The following PTPRT variants were observed in gnomAD, a reference collection of about 807,000 sequenced individuals.
PTPRT encodes receptor-type tyrosine-protein phosphatase T.
A neutral mutation model predicts 176.8 loss-of-function variants in PTPRT; 56 were observed. The observed-to-expected ratio is 0.32, with a 90% CI of 0.26 to 0.40. The LOEUF is 0.40. Among genes scored for constraint, PTPRT ranks in the 10% least tolerant of loss-of-function variants. PTPRT has a pLI of 1.00. For synonymous variants in PTPRT, 783 were observed against 739.0 expected (o/e 1.06, Z -0.96); for missense variants, 1,540 against 1,908.2 (o/e 0.81, Z 3.60).
At chr20:43,151,824 T>C (rs145211341) in intron 1 of PTPRT, among the ~76,000 whole-genome samples, 2,690 of 151,800 alleles carry the variant, frequency 0.018, 34 homozygotes, top group South Asian at 0.043. Flanking sequence ...GATTGTGCCA[T>C]TGCACTCCAG....
intron 2 of PTPRT, among the ~76,000 whole-genome samples, chr20:42,884,762 G>A (rs2079076278): frequency 6.6e-6 from 1 of 152,050 alleles, no homozygotes; most frequent in Non-Finnish European, 1.5e-5. Flanking sequence ...GGGAGCCTTT[G>A]GTCAAGCAGA....
intron 7 of PTPRT, among the ~76,000 whole-genome samples, chr20:42,615,293 T>A (rs371037288): frequency 7.3e-6 from 1 of 137,450 alleles, no homozygotes; most frequent in South Asian, 2.3e-4. Context: ...TGCATAGTAT[T>A]CCATGGTGTA....
intron 18 of PTPRT, among the ~76,000 whole-genome samples, chr20:42,135,444 A>C (rs1988326313): frequency 6.6e-6 from 1 of 152,214 alleles, no homozygotes. Flanking sequence ...AGACTCACTG[A>C]ATCAGAAACT....
At chr20:42,584,371 A>T (rs2073433690) in intron 7 of PTPRT, among the ~76,000 whole-genome samples, 2 of 152,084 alleles carry the variant, frequency 1.3e-5, no homozygotes, top group Non-Finnish European at 1.5e-5. Context: ...TCCTCCCTGA[A>T]CATACCAAAC....
chr20:43,043,772 G>A (rs1289228325), intron 1 of PTPRT, among the ~76,000 whole-genome samples: 1 of 152,188 alleles, frequency 6.6e-6, no homozygotes, highest in East Asian at 1.9e-4. Flanking sequence ...GGTAAACTGA[G>A]GTCTGAGGCA....
intron 7 of PTPRT, among the ~76,000 whole-genome samples, chr20:42,510,629 C>T (rs2071937424): frequency 6.6e-6 from 1 of 151,876 alleles, no homozygotes; most frequent in Non-Finnish European, 1.5e-5. Flanking sequence ...TCTTGCTAGG[C>T]AAGAAACCAA....
At chr20:42,776,724 TATA>T (rs1352899349) in intron 4 of PTPRT, among the ~76,000 whole-genome samples, 1 of 148,530 alleles carries the variant, frequency 6.7e-6, no homozygotes, top group African/African-American at 2.5e-5. Context: ...AAGCATATCA[TATA>T]ATTATATATG....
At chr20:42,170,773 C>T (rs1451499673) in intron 16 of PTPRT, among the ~76,000 whole-genome samples, 1 of 152,080 alleles carries the variant, frequency 6.6e-6, no homozygotes, top group African/African-American at 2.4e-5. Flanking sequence ...TACAGAAGAA[C>T]AGAATAAATG....
intron 2 of PTPRT, among the ~76,000 whole-genome samples, chr20:42,810,575 C>T (rs1465997462): frequency 6.6e-6 from 1 of 152,188 alleles, no homozygotes; most frequent in Non-Finnish European, 1.5e-5. Context: ...AAGCAGTACG[C>T]AGTTCTGAAG....
In PTPRT at chr20:42,089,924, C is replaced by T. The variant is rs965408807; in HGVS notation, c.3847-4071G>A. Among the ~76,000 whole-genome samples, 3 of 152,316 alleles carry T rather than the reference C, an allele frequency of 2.0e-5. No individual in the cohort carries two copies. In the East Asian group the frequency reaches 5.8e-4, roughly 29 times the overall value. On this transcript the variant is annotated intron_variant, in intron 27 of 30. Coordinates refer to ENST00000373187, the MANE Select transcript of PTPRT (RefSeq NM_007050.6). ...CCTCTGTGGTTTAGCTCAAGACTGT[C>T]CTGGTGTTCAAGTGCTGTAGCTGCA... is the stretch of plus-strand genomic sequence containing the variant.
intron 2 of PTPRT, among the ~76,000 whole-genome samples, chr20:42,867,390 A>ATTTT (rs761289845): frequency 1.2e-4 from 12 of 102,192 alleles, no homozygotes; most frequent in African/African-American, 2.5e-4. Flanking sequence ...AAGAACACAG[A>ATTTT]TTTTTTTTTT....
At chr20:42,744,620 G>T (rs974578655) in intron 6 of PTPRT, among the ~76,000 whole-genome samples, 1 of 152,116 alleles carries the variant, frequency 6.6e-6, no homozygotes, top group Non-Finnish European at 1.5e-5. Flanking sequence ...AAACCCCAAG[G>T]CTTAGTAGCT....
chr20:43,000,959 C>T (rs189600744), intron 1 of PTPRT, among the ~76,000 whole-genome samples: 1 of 152,256 alleles, frequency 6.6e-6, no homozygotes, highest in Admixed American at 6.5e-5. Flanking sequence ...ACAAGCATGT[C>T]ATTCAAACAC....
chr20:42,578,901 T>TGG lies in PTPRT; in HGVS notation c.1153+98964_1153+98965insCC, dbSNP rs531147846. ...TTTGAGTCTTGCAAGTTTTTTTTTTTTGGGGGGGGGTCGGTTTTTATTATA... is the reference window on the plus strand; with the variant it reads ...TTTGAGTCTTGCAAGTTTTTTTTTTTGGTGGGGGGGGGTCGGTTTTTATTATA... On this transcript the variant is annotated intron_variant, in intron 7 of 30. Coordinates refer to ENST00000373187, the MANE Select transcript of PTPRT (RefSeq NM_007050.6). Among the ~76,000 whole-genome samples the TGG allele has an allele frequency of 5.4e-3, 749 of 139,280 alleles. 14 individuals carry two copies. Among genetic ancestry groups the TGG allele is most frequent in the African/African-American group, 0.021 (698 of 34,046 alleles). The allele number at this position is 139,280 out of a possible 152,430, so 91.4% of individuals were successfully genotyped here.
chr20:42,253,878 C>T (rs2056590963), intron 13 of PTPRT, among the ~76,000 whole-genome samples: 1 of 152,218 alleles, frequency 6.6e-6, no homozygotes, highest in South Asian at 2.1e-4. Flanking sequence ...CTGCTGCATC[C>T]TGCTGTCTAT....
chr20:42,597,028 T>C (rs984104388), intron 7 of PTPRT, among the ~76,000 whole-genome samples: 1 of 152,198 alleles, frequency 6.6e-6, no homozygotes, highest in Non-Finnish European at 1.5e-5. Context: ...CAGGCAGAAC[T>C]TAACTGGGTT....
At chr20:42,530,332 C>T (rs1192506342) in intron 7 of PTPRT, among the ~76,000 whole-genome samples, 1 of 152,218 alleles carries the variant, frequency 6.6e-6, no homozygotes, top group Non-Finnish European at 1.5e-5. Context: ...ATTGCTCAGT[C>T]ACTGCATGCC....
chr20:43,136,259 T>C (rs1191882476), intron 1 of PTPRT, among the ~76,000 whole-genome samples: 1 of 152,208 alleles, frequency 6.6e-6, no homozygotes, highest in Non-Finnish European at 1.5e-5. Context: ...TTTCCCATAG[T>C]CTGCTGTAAA....
intron 15 of PTPRT, among the ~76,000 whole-genome samples, chr20:42,216,823 C>T (rs963118407): frequency 2.0e-5 from 3 of 152,194 alleles, no homozygotes; most frequent in Non-Finnish European, 1.5e-5. Context: ...TGGCTTTCTT[C>T]TGCAGGTAGT....
Sources: allele counts gnomAD v4.1 joint callset (sites outside exome capture counted in the v4.1 genomes callset), GRCh38; gene constraint gnomAD v4.1.1; transcripts MANE v1.5; gene names NCBI Gene and HGNC (gene_info 2026-07-23, HGNC 2026-07-21).